The following ENTREP2 variants were observed in gnomAD, a reference collection of about 807,000 sequenced individuals.
ENTREP2 encodes endosomal transmembrane epsin interactor 2, also known as protein ENTREP2.
At chr15:29,456,149 G>A in the ENTREP2 span, among the ~76,000 whole-genome samples, 2 of 152,022 alleles carry the variant, frequency 1.3e-5, no homozygotes, top group Admixed American at 1.3e-4. Flanking sequence ...CCAGTCCCTG[G>A]TGCCCAAAAG....
At chr15:29,351,582 G>A in the ENTREP2 span, among the ~76,000 whole-genome samples, 1 of 152,244 alleles carries the variant, frequency 6.6e-6, no homozygotes, top group South Asian at 2.1e-4. Flanking sequence ...GCAACTAACA[G>A]TAGTTTCTTG....
chr15:29,283,507 C>T, the ENTREP2 span, among the ~76,000 whole-genome samples: 1 of 152,156 alleles, frequency 6.6e-6, no homozygotes, highest in African/African-American at 2.4e-5. Flanking sequence ...AGCCATCATG[C>T]CTGGCCCCAT....
At chr15:29,362,595 G>C in the ENTREP2 span, among the ~76,000 whole-genome samples, 1 of 151,866 alleles carries the variant, frequency 6.6e-6, no homozygotes, top group African/African-American at 2.4e-5. Context: ...GGCTAGTCTT[G>C]AACTCCTGAG....
At chr15:29,577,313 G>GTGTGTGT in the ENTREP2 span, among the ~76,000 whole-genome samples, 3 of 139,802 alleles carry the variant, frequency 2.1e-5, 1 homozygote, top group Non-Finnish European at 1.5e-5. Flanking sequence ...GACTCAAAGA[G>GTGTGTGT]GTGTGTGTGT....
At chr15:29,575,513 A>C in the ENTREP2 span, among the ~76,000 whole-genome samples, 1 of 152,204 alleles carries the variant, frequency 6.6e-6, no homozygotes, top group Non-Finnish European at 1.5e-5. Context: ...CAGCCAGAAC[A>C]ATTAGACAAG....
the ENTREP2 span, among the ~76,000 whole-genome samples, chr15:29,667,429 CTG>C: frequency 6.7e-6 from 1 of 149,886 alleles, no homozygotes; most frequent in African/African-American, 2.5e-5. Context: ...ACCTCATGAT[CTG>C]CCCATCTTGG....
chr15:29,586,949 C>T, the ENTREP2 span, among the ~76,000 whole-genome samples: 532 of 152,038 alleles, frequency 3.5e-3, 4 homozygotes, highest in African/African-American at 0.012. Flanking sequence ...TAGCATAATA[C>T]AAGATTAAGC....
the ENTREP2 span, among the ~76,000 whole-genome samples, chr15:29,364,752 T>C: frequency 6.6e-6 from 1 of 152,198 alleles, no homozygotes; most frequent in Non-Finnish European, 1.5e-5. Flanking sequence ...AAAATTTTTT[T>C]AGTTGACTTT....
chr15:29,559,809 C>T, the ENTREP2 span, among the ~76,000 whole-genome samples: 34 of 152,280 alleles, frequency 2.2e-4, no homozygotes, highest in African/African-American at 6.5e-4. Flanking sequence ...GAATCACATC[C>T]GCAAAGTCCC....
chr15:29,279,304 G>T, the ENTREP2 span, among the ~76,000 whole-genome samples: 2 of 151,964 alleles, frequency 1.3e-5, no homozygotes, highest in Non-Finnish European at 2.9e-5. Context: ...GGGCTATTCT[G>T]GGTCCCTTCC....
chr15:29,603,148 G>T, the ENTREP2 span, among the ~76,000 whole-genome samples: 1 of 152,216 alleles, frequency 6.6e-6, no homozygotes, highest in Non-Finnish European at 1.5e-5. Flanking sequence ...TGTGGGGGAA[G>T]AAGCTGTGAA....
chr15:29,625,246 A>G, the ENTREP2 span, among the ~76,000 whole-genome samples: 1 of 152,014 alleles, frequency 6.6e-6, no homozygotes, highest in South Asian at 2.1e-4. Context: ...TTATGGATGA[A>G]CCAGTTTGTT....
the ENTREP2 span, among the ~76,000 whole-genome samples, chr15:29,294,047 A>G: frequency 1 from 152,265 of 152,286 alleles, 76,122 homozygotes; most frequent in Non-Finnish European, 1. Context: ...TGCAGCCCAG[A>G]GCAGACAGCA....
At chr15:29,493,402 G>A in the ENTREP2 span, among the ~76,000 whole-genome samples, 1 of 151,548 alleles carries the variant, frequency 6.6e-6, no homozygotes, top group African/African-American at 2.4e-5. Flanking sequence ...CAAAGTGCTG[G>A]GATTACAGGC....
the ENTREP2 span, among the ~76,000 whole-genome samples, chr15:29,365,250 C>CT: frequency 0.14 from 20,294 of 141,910 alleles, 2,684 homozygotes; most frequent in African/African-American, 0.35. Flanking sequence ...TAGCTCATTT[C>CT]TTTTTTTTTT....
the ENTREP2 span, among the ~76,000 whole-genome samples, chr15:29,556,770 C>CCCCCA: frequency 9.7e-5 from 14 of 144,520 alleles, 1 homozygote; most frequent in Middle Eastern, 3.5e-3. Flanking sequence ...GTGCCCCCCC[C>CCCCCA]CCGCCCCACA....
chr15:29,202,455 T>G, the ENTREP2 span, among the ~76,000 whole-genome samples: 1 of 152,234 alleles, frequency 6.6e-6, no homozygotes, highest in Non-Finnish European at 1.5e-5. Flanking sequence ...AATTCACAAA[T>G]CACCTCCCAT....
chr15:29,428,858 A>AAT, the ENTREP2 span, among the ~76,000 whole-genome samples: 1 of 152,286 alleles, frequency 6.6e-6, no homozygotes, highest in Admixed American at 6.5e-5. Flanking sequence ...AAAGGTTTTA[A>AAT]ATATAGTCAC....
At chr15:29,603,710 C>T in the ENTREP2 span, among the ~76,000 whole-genome samples, 1 of 152,150 alleles carries the variant, frequency 6.6e-6, no homozygotes, top group Non-Finnish European at 1.5e-5. Flanking sequence ...ATGATCTTGG[C>T]TCACTGCAAC....
Sources: gnomAD v4.1 joint callset for allele counts (sites outside exome capture counted in the v4.1 genomes callset) on GRCh38, gnomAD v4.1.1 for gene constraint, MANE v1.5 for transcripts, NCBI Gene and HGNC (gene_info 2026-07-23, HGNC 2026-07-21) for gene names.